EPAS1: variants seen among roughly 807,000 people sequenced by gnomAD.
EPAS1 encodes endothelial PAS domain protein 1.
In EPAS1, 23 loss-of-function variants were observed where a neutral mutation model predicts 87.9. That is an observed-to-expected ratio of 0.26 (90% CI 0.19 to 0.37). EPAS1 has a LOEUF of 0.37. Among genes scored for constraint, EPAS1 ranks in the 10% least tolerant of loss-of-function variants. The probability of loss-of-function intolerance (pLI) is 1.00; values close to 1 mark genes in which losing one functional copy is unlikely to be tolerated. For synonymous variants in EPAS1, 508 were observed against 444.3 expected (o/e 1.14, Z -1.80); for missense variants, 1,138 against 1,120.7 (o/e 1.02, Z -0.22).
At chr2:46,378,281 T>G (rs1420500154) in intron 10 of EPAS1, among the ~76,000 whole-genome samples, 194 bp downstream of exon 10, 3 of 152,172 alleles carry the variant, frequency 2.0e-5, no homozygotes, top group Non-Finnish European at 4.4e-5. Context: ...CCAACTCCAT[T>G]GAAATAAGCT....
chr2:46,365,341 G>C lies in EPAS1; in HGVS notation c.779+4251G>C, dbSNP rs1684478491. Among the ~76,000 whole-genome samples, 3 of 152,310 alleles carry C rather than the reference G, an allele frequency of 2.0e-5. 1 individual carries two copies. The South Asian group carries it at 6.2e-4, about 32-fold the overall frequency. The stretch of plus-strand genomic sequence containing the variant: ...TTTAGGGCAACCCTGTTTTGTCATT[G>C]CATTTAGGGAACATAGGACATATTA... On this transcript the variant is annotated intron_variant, in intron 6 of 15. Transcript: ENST00000263734.
At chr2:46,363,509 G>A (rs921415281) in intron 6 of EPAS1, among the ~76,000 whole-genome samples, 9 of 152,312 alleles carry the variant, frequency 5.9e-5, no homozygotes, top group African/African-American at 2.2e-4. Flanking sequence ...TGGTTTAAAT[G>A]AGTTTCAGGT....
chr2:46,379,466 C>T (rs1032417001), intron 11 of EPAS1, among the ~76,000 whole-genome samples: 1 of 152,196 alleles, frequency 6.6e-6, no homozygotes, highest in Admixed American at 6.5e-5. Flanking sequence ...TTTTCTATCA[C>T]CCTCCCTCCT....
chr2:46,376,695 C>G lies in EPAS1; in HGVS notation c.1191C>G (p.Pro397=), dbSNP rs138622780. 1.2e-6 allele frequency: 2 copies of G among 1,613,586 alleles called. No homozygotes were observed. Among genetic ancestry groups the G allele is most frequent in the Non-Finnish European group, 1.7e-6 (2 of 1,179,990 alleles). ...NFLFTKLKEE[P]EELAQLAPTP... ...TATTCACCAAGCTAAAGGAGGAGCC[C>G]GAGGAGCTGGCCCAGCTGGCTCCCA... Residue 397 remains proline (P), a synonymous_variant, in exon 9 of 16, where the codon CCC becomes CCG. Coordinates refer to ENST00000263734, the MANE Select transcript of EPAS1 (RefSeq NM_001430.5).
rs147828908 is a variant in EPAS1 at position 46,356,541 on chromosome 2, T to TGTC, written c.370-182_370-180dup. On this transcript the variant is annotated intron_variant, in intron 3 of 15. Transcript: ENST00000263734. ...CTGACTCATTAACAGACCAAGTCTC[T>TGTC]GTCATCATCAGTAGTCCCCGATTAC... 3.7e-3 allele frequency among the ~76,000 whole-genome samples: 565 copies of TGTC among 152,264 alleles called. 4 individuals carry two copies. Among genetic ancestry groups the TGTC allele is most frequent in the Middle Eastern group, 6.8e-3 (2 of 294 alleles).
At position 46,384,492 on chromosome 2, in the gene EPAS1, A is replaced by G; in HGVS notation, c.2462-17A>G. 6.2e-7 allele frequency: 1 copy of G among 1,614,188 alleles called. No homozygotes were observed. The highest frequency in any genetic ancestry group is 1.1e-5 in the South Asian group (1 of 91,090). On this transcript the variant is annotated splice_polypyrimidine_tract_variant and intron_variant, in intron 15 of 15. Transcript: ENST00000263734. Reference sequence around the variant, plus strand: ...TCGATTTAGGCCTTTAAGTTATGGTACCAACCCTTCTTTCAGGCATGGCAA... The same window carrying G: ...TCGATTTAGGCCTTTAAGTTATGGTGCCAACCCTTCTTTCAGGCATGGCAA...
At chr2:46,367,193 A>G (rs1161718887) in intron 6 of EPAS1, among the ~76,000 whole-genome samples, 1 of 152,218 alleles carries the variant, frequency 6.6e-6, no homozygotes, top group Non-Finnish European at 1.5e-5. Flanking sequence ...AATTAGATAA[A>G]CATTTTATTA....
chr2:46,365,780 C>T (rs552527439), intron 6 of EPAS1, among the ~76,000 whole-genome samples: 6 of 152,230 alleles, frequency 3.9e-5, no homozygotes, highest in South Asian at 2.1e-4. Context: ...TAGTGAACAG[C>T]GTACATATTA....
intron 2 of EPAS1, among the ~76,000 whole-genome samples, chr2:46,355,791 G>T (rs1684257290): frequency 6.6e-6 from 1 of 152,254 alleles, no homozygotes; most frequent in Non-Finnish European, 1.5e-5. Flanking sequence ...GGGCCTAAAA[G>T]GTTTTTGTGG....
At chr2:46,364,894 A>C (rs1684470286) in intron 6 of EPAS1, among the ~76,000 whole-genome samples, 1 of 152,218 alleles carries the variant, frequency 6.6e-6, no homozygotes, top group Non-Finnish European at 1.5e-5. Flanking sequence ...CATCAAAGTA[A>C]AAGAGATGAT....
intron 6 of EPAS1, among the ~76,000 whole-genome samples, chr2:46,368,870 T>C (rs1215247511): frequency 2.0e-5 from 3 of 152,120 alleles, no homozygotes; most frequent in Non-Finnish European, 4.4e-5. Context: ...TAGCCTAGGA[T>C]AGGACATGAT....
chr2:46,357,830 C>CGTTGCAATG (rs1558600914), intron 4 of EPAS1, among the ~76,000 whole-genome samples: 1 of 152,208 alleles, frequency 6.6e-6, no homozygotes, highest in African/African-American at 2.4e-5. Context: ...GCAGAAAGCA[C>CGTTGCAATG]GTTGCAATGG....
chr2:46,324,319 G>A (rs1169985472), intron 1 of EPAS1, among the ~76,000 whole-genome samples: 2 of 152,208 alleles, frequency 1.3e-5, no homozygotes, highest in Admixed American at 6.5e-5. Flanking sequence ...TGCCCACCTC[G>A]GCCTCCCAAG....
intron 11 of EPAS1, among the ~76,000 whole-genome samples, chr2:46,379,093 T>TGTATAAACATAGGG (rs1388076234): frequency 2.0e-5 from 3 of 152,244 alleles, no homozygotes; most frequent in Non-Finnish European, 4.4e-5. Flanking sequence ...GTATAAAACA[T>TGTATAAACATAGGG]GTATAAACAT....
chr2:46,338,825 T>C (rs1478179833), intron 1 of EPAS1, among the ~76,000 whole-genome samples: 1 of 151,532 alleles, frequency 6.6e-6, no homozygotes, highest in African/African-American at 2.4e-5. Context: ...CCTCTGATAC[T>C]GCCCTCTGAA....
At chr2:46,356,126 C>A in intron 2 of EPAS1, 25 bp from the exon 3 acceptor site, 1 of 1,366,128 alleles carries the variant, frequency 7.3e-7, no homozygotes, top group Non-Finnish European at 1.0e-6. Context: ...TTCATGCAAG[C>A]TGTCCCACCC....
chr2:46,340,137 G>T (rs4953353), intron 1 of EPAS1, among the ~76,000 whole-genome samples: 51,615 of 151,972 alleles, frequency 0.34, 10,315 homozygotes, highest in East Asian at 0.62. Context: ...CTCCGGTTAC[G>T]TAAGGAGCTG....
At chr2:46,299,105 C>G (rs957672149) in intron 1 of EPAS1, among the ~76,000 whole-genome samples, 1 of 152,232 alleles carries the variant, frequency 6.6e-6, no homozygotes, top group African/African-American at 2.4e-5. Flanking sequence ...AGGGAGGTGA[C>G]TGGCCGGGAG....
intron 1 of EPAS1, among the ~76,000 whole-genome samples, chr2:46,308,750 GTACAGCCAAACAGAA>G (rs1431450774): frequency 6.6e-6 from 1 of 152,212 alleles, no homozygotes; most frequent in African/African-American, 2.4e-5. Context: ...ACTAATGTGA[GTACAGCCAAACAGAA>G]TACTCCAGCT....
Sources: gnomAD v4.1 joint callset for allele counts (sites outside exome capture counted in the v4.1 genomes callset) on GRCh38, gnomAD v4.1.1 for gene constraint, MANE v1.5 for transcripts, NCBI Gene and HGNC (gene_info 2026-07-23, HGNC 2026-07-21) for gene names.